The following ZC3H14 variants were observed in gnomAD, a reference collection of about 807,000 sequenced individuals.
ZC3H14 encodes zinc finger CCCH-type containing 14.
In ZC3H14, 31 loss-of-function variants were observed where a neutral mutation model predicts 92.4. The observed-to-expected ratio is 0.34, with a 90% confidence interval of 0.25 to 0.45. The LOEUF is 0.45. Ranked by LOEUF, ZC3H14 falls within the 20% of genes least tolerant of loss-of-function variation. The pLI, the probability that ZC3H14 is intolerant of heterozygous loss-of-function variation, is 1.00. For synonymous variants in ZC3H14, 321 were observed against 300.9 expected (o/e 1.07, Z -0.69); for missense variants, 781 against 897.3 (o/e 0.87, Z 1.66).
chr14:88,609,197 C>CAAGG, intron 13 of ZC3H14, 70 bp from the exon 14 acceptor site: 1 of 1,579,964 alleles, frequency 6.3e-7, no homozygotes, highest in Non-Finnish European at 8.7e-7. Flanking sequence ...GTGTAAAGAG[C>CAAGG]CCTTATACAC....
rs139615630 is a variant in ZC3H14 at position 88,610,058 on chromosome 14, C to T, written c.2097+255C>T. ...TGCTAGTCACATTTTCCATTATTCC[C>T]TGCATTTAAGTATATGGATGGGTTT... On this transcript the variant is annotated intron_variant, in intron 15 of 16. Coordinates refer to ENST00000251038, the MANE Select transcript of ZC3H14 (RefSeq NM_024824.5). Among the ~76,000 whole-genome samples the T allele has an allele frequency of 9.2e-5, 14 of 152,190 alleles. No individual in the cohort carries two copies. The East Asian group carries it at 2.7e-3, about 29-fold the overall frequency.
rs1214364748 is a variant in ZC3H14, at chr14:88,625,688, C to T, written c.*13937C>T. On this transcript the variant is annotated 3_prime_UTR_variant, in exon 17 of 17. Transcript: ENST00000251038. ...AAGTGCTGGGATTATAGGTGTGAGC[C>T]ACTGTGCCCGGCCTGAGCCACGGTG... is the stretch of plus-strand genomic sequence containing the variant. The T allele has an allele frequency of 1.3e-5, 2 of 152,460 alleles. No homozygotes were observed. The highest frequency in any genetic ancestry group is 4.8e-5 in the African/African-American group (2 of 41,454). 9.4% of individuals were successfully genotyped at this position (152,460 alleles called of 1,614,324 possible).
rs1328333547 is a variant in ZC3H14 at position 88,623,539 on chromosome 14, G to C, written c.*11788G>C. On this transcript the variant is annotated 3_prime_UTR_variant, in exon 17 of 17. Coordinates refer to ENST00000251038, the MANE Select transcript of ZC3H14 (RefSeq NM_024824.5). ...AGGTTCAAGCGATTCTTCTCCTTCAGCCTCCCAAGTAGCTGGGATTACAGG... is the reference window on the plus strand; with the variant it reads ...AGGTTCAAGCGATTCTTCTCCTTCACCCTCCCAAGTAGCTGGGATTACAGG... The C allele has an allele frequency of 6.6e-6, 1 of 151,930 alleles. No individual in the cohort carries two copies. Among genetic ancestry groups the C allele is most frequent in the Non-Finnish European group, 1.5e-5 (1 of 68,108 alleles). The allele number at this position is 151,930 out of a possible 1,614,324, so 9.4% of individuals were successfully genotyped here.
rs114107817 is a variant in ZC3H14, at chr14:88,625,807, G to C, written c.*14056G>C. 1.3e-5 allele frequency: 2 copies of C among 152,184 alleles called. No individual in the cohort carries two copies. The highest frequency in any genetic ancestry group is 1.3e-4 in the Admixed American group (2 of 15,276). The allele number at this position is 152,184 out of a possible 1,614,324, so 9.4% of individuals were successfully genotyped here. ...AATAGTCTTTTTCTCAAAAATGTAAGTGTACTTAAATATTCTAAAATTATA... is the reference window on the plus strand; with the variant it reads ...AATAGTCTTTTTCTCAAAAATGTAACTGTACTTAAATATTCTAAAATTATA... On this transcript the variant is annotated 3_prime_UTR_variant, in exon 17 of 17. Transcript: ENST00000251038.
At chr14:88,599,453 A>G (rs1436145444) in intron 10 of ZC3H14, among the ~76,000 whole-genome samples, 1 of 152,044 alleles carries the variant, frequency 6.6e-6, no homozygotes, top group Non-Finnish European at 1.5e-5. Flanking sequence ...TGTGGTCTCT[A>G]CTCAGAAGAT....
rs1020639604 is a variant in ZC3H14, at chr14:88,613,583, T to C, written c.*1832T>C. 1.3e-5 allele frequency: 2 copies of C among 152,106 alleles called. No homozygotes were observed. Among genetic ancestry groups the C allele is most frequent in the African/African-American group, 4.8e-5 (2 of 41,406 alleles). The allele number at this position is 152,106 out of a possible 1,614,324, so 9.4% of individuals were successfully genotyped here. A position where few individuals can be genotyped will look rare whatever the true frequency, so the allele number is the denominator to read the frequency against. On this transcript the variant is annotated 3_prime_UTR_variant, in exon 17 of 17. Coordinates refer to ENST00000251038, the MANE Select transcript of ZC3H14 (RefSeq NM_024824.5). ...TTAATCTTTCAGTTGCTATGGCTTA[T>C]GAACAAGCTAAGGTTGACCATAAAA... is the stretch of plus-strand genomic sequence containing the variant.
chr14:88,563,517 C>T, intron 1 of ZC3H14, 134 bp from the exon 2 acceptor site: 4 of 1,565,008 alleles, frequency 2.6e-6, no homozygotes, highest in Non-Finnish European at 3.5e-6. Flanking sequence ...GCGGTGCAGG[C>T]GAGGCTCCTC....
intron 16 of ZC3H14, among the ~76,000 whole-genome samples, chr14:88,611,451 T>C (rs1021267759): frequency 1.2e-4 from 19 of 152,292 alleles, no homozygotes; most frequent in Admixed American, 7.8e-4. Context: ...AGCAGGAGTA[T>C]ATATATGTGT....
chr14:88,603,748 C>T (rs1057251530), intron 12 of ZC3H14, among the ~76,000 whole-genome samples: 11 of 152,150 alleles, frequency 7.2e-5, no homozygotes, highest in Non-Finnish European at 1.5e-4. Flanking sequence ...GGGATAATTA[C>T]TCAATCTTAA....
intron 9 of ZC3H14, among the ~76,000 whole-genome samples, chr14:88,579,657 A>G (rs1188566766): frequency 6.6e-6 from 1 of 152,228 alleles, no homozygotes; most frequent in Non-Finnish European, 1.5e-5. Context: ...ATTTTTTAAC[A>G]TCACAAAATC....
At chr14:88,608,256 C>T in intron 13 of ZC3H14, 1 of 479,962 alleles carries the variant, frequency 2.1e-6, no homozygotes, top group South Asian at 1.5e-5. Flanking sequence ...CAAGTGAATA[C>T]CATCCCCATC....
At chr14:88,598,937 A>T (rs2084227869) in intron 10 of ZC3H14, among the ~76,000 whole-genome samples, 1 of 152,172 alleles carries the variant, frequency 6.6e-6, no homozygotes, top group Non-Finnish European at 1.5e-5. Context: ...AAAATACAAA[A>T]ATTAGCCAGG....
rs192194661 is a variant in ZC3H14, at chr14:88,593,204, A to G, written c.1280-3530A>G. Among the ~76,000 whole-genome samples, 258 of 151,954 alleles carry G rather than the reference A, an allele frequency of 1.7e-3. 1 individual carries two copies. The highest frequency in any genetic ancestry group is 5.9e-3 in the African/African-American group (246 of 41,458). ...GCTGGTCTCGAACTCCTGACCTCATAATCCACCCACCTTGGCCTCCCAAAA... is the reference window on the plus strand; with the variant it reads ...GCTGGTCTCGAACTCCTGACCTCATGATCCACCCACCTTGGCCTCCCAAAA... On this transcript the variant is annotated intron_variant, in intron 9 of 16. Transcript: ENST00000251038.
In ZC3H14 at chr14:88,609,822, T is replaced by C; in HGVS notation, c.2097+19T>C. The C allele has an allele frequency of 3.1e-6, 5 of 1,609,026 alleles. No individual in the cohort carries two copies. The highest frequency in any genetic ancestry group is 4.3e-6 in the Non-Finnish European group (5 of 1,175,530). On this transcript the variant is annotated intron_variant, in intron 15 of 16. Transcript: ENST00000251038. ...TCCAAAAGTAAGAACTTCTATTTTC[T>C]CAAATCAATTTAGTGACAACATCTC... is the stretch of plus-strand genomic sequence containing the variant.
At position 88,616,159 on chromosome 14, in the gene ZC3H14, A is replaced by G. The variant is rs745892522; in HGVS notation, c.*4408A>G. 6.2e-7 allele frequency: 1 copy of G among 1,613,788 alleles called. No individual in the cohort carries two copies. The highest frequency in any genetic ancestry group is 8.5e-7 in the Non-Finnish European group (1 of 1,179,814). ...TTACTAACCTGCAGTCATCACCTCC[A>G]GCACTAACAACATGTCGATCACCAC... On this transcript the variant is annotated 3_prime_UTR_variant, in exon 17 of 17. Transcript: ENST00000251038.
Position 88,622,526 on chromosome 14 carries a change from C to T in ZC3H14, c.*10775C>T. Reference sequence around the variant, plus strand: ...GCATTATTAAGTATTGTTCATTAGGCTGCAAAGGGTGAGGGAATCACAGTA... The same window carrying T: ...GCATTATTAAGTATTGTTCATTAGGTTGCAAAGGGTGAGGGAATCACAGTA... On this transcript the variant is annotated 3_prime_UTR_variant, in exon 17 of 17. Transcript: ENST00000251038. The T allele has an allele frequency of 3.5e-6, 4 of 1,145,588 alleles. No homozygotes were observed. The allele number at this position is 1,145,588 out of a possible 1,614,324, so 71.0% of individuals were successfully genotyped here.
In ZC3H14 at chr14:88,621,021, T is replaced by C; in HGVS notation, c.*9270T>C. On this transcript the variant is annotated 3_prime_UTR_variant, in exon 17 of 17. Transcript: ENST00000251038. Reference sequence around the variant, plus strand: ...TTTCCCCTCAAAATGCTCAACAGAATTCTGGCAGTTCTTTAAGTACTAGCA... The same window carrying C: ...TTTCCCCTCAAAATGCTCAACAGAACTCTGGCAGTTCTTTAAGTACTAGCA... The C allele has an allele frequency of 6.7e-7, 1 of 1,482,208 alleles. No homozygotes were observed. The highest frequency in any genetic ancestry group is 1.4e-5 in the African/African-American group (1 of 70,472). 91.8% of individuals were successfully genotyped at this position (1,482,208 alleles called of 1,614,324 possible). A position where few individuals can be genotyped will look rare whatever the true frequency, so the allele number is the denominator to read the frequency against.
intron 9 of ZC3H14, among the ~76,000 whole-genome samples, chr14:88,587,882 A>G (rs1294579830): frequency 1.3e-5 from 2 of 152,154 alleles, no homozygotes; most frequent in African/African-American, 4.8e-5. Context: ...TCGAGGTTAC[A>G]GTGAGCTGTG....
intron 11 of ZC3H14, 85 bp downstream of exon 11, chr14:88,602,168 C>T (rs1411153037): frequency 3.8e-6 from 6 of 1,574,218 alleles, no homozygotes; most frequent in East Asian, 4.5e-5. Context: ...CCCTCCTCCC[C>T]GCCCTAACCG....
Sources: allele counts gnomAD v4.1 joint callset (sites outside exome capture counted in the v4.1 genomes callset), GRCh38; gene constraint gnomAD v4.1.1; transcripts MANE v1.5; gene names NCBI Gene and HGNC (gene_info 2026-07-23, HGNC 2026-07-21).